SLC35A3: variants seen among roughly 807,000 people sequenced by gnomAD.
SLC35A3 encodes the protein UDP-N-acetylglucosamine transporter.
SLC35A3 carries 26 observed loss-of-function variants against 39.0 expected under a neutral mutation model. That is an observed-to-expected ratio of 0.67 (90% CI 0.49 to 0.92). The LOEUF (loss-of-function observed/expected upper bound fraction) is 0.92. SLC35A3 is among the 40% of genes least tolerant of loss of function. The pLI is 0.00. For missense variants in SLC35A3, 299 were observed against 371.6 expected, an observed-to-expected ratio of 0.80 and a Z score of 1.61; for synonymous variants, 135 against 133.1, an observed-to-expected ratio of 1.01 and a Z score of -0.10.
In SLC35A3 at chr1:99,979,679, C is replaced by T. The variant is rs553342152; in HGVS notation, c.-19+9517C>T. 1.3e-4 allele frequency among the ~76,000 whole-genome samples: 19 copies of T among 151,450 alleles called. No individual in the cohort carries two copies. In the South Asian group the frequency reaches 3.5e-3, roughly 28 times the overall value. ...CGATCTCCTCTATCTCGTGATCTGC[C>T]CACCTTGGCTTCCCAAAGTGCTGGG... is the stretch of plus-strand genomic sequence containing the variant. On this transcript the variant is annotated intron_variant, in intron 1 of 7. Coordinates refer to ENST00000533028, the MANE Select transcript of SLC35A3 (RefSeq NM_012243.3).
At chr1:99,997,676 C>G (rs774435775) in intron 2 of SLC35A3, among the ~76,000 whole-genome samples, 2 of 149,934 alleles carry the variant, frequency 1.3e-5, no homozygotes, top group East Asian at 3.9e-4. Context: ...TTCTGCTATG[C>G]CTTTTTTTCT....
rs2101501181 is a variant in SLC35A3 at position 100,022,404 on chromosome 1, C to T, written c.906C>T (p.Ala302=). ...FVPTSVFFLG[A]ILVITATFLY... ...TATTCAGTGTCTTTTTCCTTGGAGCCATCCTTGTAATAACAGCTACTTTTT... is the reference window on the plus strand; with the variant it reads ...TATTCAGTGTCTTTTTCCTTGGAGCTATCCTTGTAATAACAGCTACTTTTT... The change falls in exon 8 of 8, where the codon GCC becomes GCT. Residue 302 remains alanine, a synonymous_variant. Coordinates refer to ENST00000533028, the MANE Select transcript of SLC35A3 (RefSeq NM_012243.3). 5.7e-6 allele frequency: 9 copies of T among 1,591,284 alleles called. No homozygotes were observed. Among genetic ancestry groups the T allele is most frequent in the Non-Finnish European group, 7.7e-6 (9 of 1,162,480 alleles).
At position 100,028,331 on chromosome 1, in the gene SLC35A3, T is replaced by A. The variant is rs1191541939; in HGVS notation, c.*5855T>A. 5.2e-5 allele frequency: 8 copies of A among 152,684 alleles called. No homozygotes were observed. Among genetic ancestry groups the A allele is most frequent in the Admixed American group, 4.6e-4 (7 of 15,286 alleles). The allele number at this position is 152,684 out of a possible 1,614,324, so 9.5% of individuals were successfully genotyped here. A position where few individuals can be genotyped will look rare whatever the true frequency, so the allele number is the denominator to read the frequency against. ...GTGTTTTTCTGTTTTGTTTTTTGTT[T>A]TTTGTTTTTGAGACAAGGTCTTCCT... On this transcript the variant is annotated 3_prime_UTR_variant, in exon 8 of 8. Transcript: ENST00000533028.
chr1:100,033,348 GA>G lies in SLC35A3; in HGVS notation c.*10878del, dbSNP rs1296248016. The G allele has an allele frequency of 1.3e-5, 2 of 151,322 alleles. No homozygotes were observed. Among genetic ancestry groups the G allele is most frequent in the Non-Finnish European group, 2.9e-5 (2 of 67,888 alleles). The allele number at this position is 151,322 out of a possible 1,614,324, so 9.4% of individuals were successfully genotyped here. A position where few individuals can be genotyped will look rare whatever the true frequency, so the allele number is the denominator to read the frequency against. On this transcript the variant is annotated 3_prime_UTR_variant, in exon 8 of 8. Coordinates refer to ENST00000533028, the MANE Select transcript of SLC35A3 (RefSeq NM_012243.3). The stretch of plus-strand genomic sequence containing the variant: ...AAGTTTTATATGAAAAGTGTACTCT[GA>G]AAAAATCTAGCTGTCATACCTATCC...
At chr1:100,011,839 C>T (rs1200971125) in intron 5 of SLC35A3, among the ~76,000 whole-genome samples, 3 of 151,602 alleles carry the variant, frequency 2.0e-5, no homozygotes, top group Non-Finnish European at 4.4e-5. Context: ...CAGTCTCAGC[C>T]TCCTGAGTAG....
chr1:99,994,511 C>T (rs1037273844), intron 2 of SLC35A3, among the ~76,000 whole-genome samples: 4 of 152,162 alleles, frequency 2.6e-5, no homozygotes, highest in African/African-American at 9.7e-5. Flanking sequence ...TATGAATTTG[C>T]CTATTCTAAA....
At chr1:99,997,336 C>A (rs1035855346) in intron 2 of SLC35A3, among the ~76,000 whole-genome samples, 4 of 140,288 alleles carry the variant, frequency 2.9e-5, no homozygotes, top group Non-Finnish European at 6.3e-5. Context: ...TTGCAATAAT[C>A]ACGTAGACAA....
intron 1 of SLC35A3, among the ~76,000 whole-genome samples, chr1:99,972,148 G>C (rs979305219): frequency 1.3e-5 from 2 of 151,200 alleles, no homozygotes; most frequent in Non-Finnish European, 3.0e-5. Flanking sequence ...TGATCCACCT[G>C]CCTCGACATC....
chr1:99,973,858 T>C (rs559700364), intron 1 of SLC35A3, among the ~76,000 whole-genome samples: 3 of 152,024 alleles, frequency 2.0e-5, no homozygotes, highest in Admixed American at 6.6e-5. Context: ...CTACTAAAAA[T>C]ACAAAAATTA....
chr1:100,020,768 C>T (rs1163302789), intron 7 of SLC35A3, among the ~76,000 whole-genome samples: 1 of 152,012 alleles, frequency 6.6e-6, no homozygotes, highest in East Asian at 1.9e-4. Flanking sequence ...GTCTTGGAGA[C>T]ATTAGACCTG....
intron 4 of SLC35A3, 84 bp from the exon 5 acceptor site, chr1:100,011,281 T>C (rs1314258907): frequency 1.7e-6 from 1 of 586,160 alleles, no homozygotes; most frequent in Non-Finnish European, 2.8e-6. Context: ...CATTTTTAAG[T>C]TATGGTCTAA....
chr1:100,019,549 G>A (rs1017140923), intron 7 of SLC35A3, among the ~76,000 whole-genome samples: 2 of 152,268 alleles, frequency 1.3e-5, no homozygotes, highest in African/African-American at 4.8e-5. Context: ...AATAAATCTA[G>A]TGACATTTTC....
chr1:100,004,993 G>C (rs1249101808), intron 3 of SLC35A3, among the ~76,000 whole-genome samples: 2 of 152,176 alleles, frequency 1.3e-5, no homozygotes, highest in African/African-American at 4.8e-5. Context: ...CTGACCTCAA[G>C]TGATCTGCCC....
intron 6 of SLC35A3, 197 bp downstream of exon 6, chr1:100,015,617 A>C (rs1371710187): frequency 6.0e-6 from 3 of 497,734 alleles, no homozygotes; most frequent in African/African-American, 6.0e-5. Context: ...AGGGGTCTTT[A>C]ATGAACTTTG....
rs938145287 is a variant in SLC35A3, at chr1:99,980,634, A to G, written c.-19+10472A>G. ...TACTACTGTAACTTACGTACAGGTG[A>G]TATTTTCTTAGTAAATAGTTACCTG... On this transcript the variant is annotated intron_variant, in intron 1 of 7. Coordinates refer to ENST00000533028, the MANE Select transcript of SLC35A3 (RefSeq NM_012243.3). 6.6e-5 allele frequency among the ~76,000 whole-genome samples: 10 copies of G among 152,246 alleles called. 1 individual carries two copies. Among genetic ancestry groups the G allele is most frequent in the African/African-American group, 2.4e-4 (10 of 41,454 alleles).
intron 2 of SLC35A3, among the ~76,000 whole-genome samples, chr1:99,998,742 C>A (rs1289837482): frequency 6.6e-6 from 1 of 152,154 alleles, no homozygotes; most frequent in Non-Finnish European, 1.5e-5. Flanking sequence ...TCTGGACTCA[C>A]CCCATGTGAC....
chr1:99,996,512 T>C (rs1658407161), intron 2 of SLC35A3, among the ~76,000 whole-genome samples: 1 of 152,184 alleles, frequency 6.6e-6, no homozygotes, highest in South Asian at 2.1e-4. Flanking sequence ...ACAATTTCAC[T>C]GCCCTCAAAT....
rs1253987632 is a variant in SLC35A3, at chr1:100,035,097, G to A, written c.*12621G>A. ...CATATGAGGAGGGGAGTGGGAATTG[G>A]TTGTGGGACTTCCGTGGATATCCAA... is the stretch of plus-strand genomic sequence containing the variant. On this transcript the variant is annotated 3_prime_UTR_variant, in exon 8 of 8. Transcript: ENST00000533028. 6.6e-6 allele frequency: 1 copy of A among 152,150 alleles called. No individual in the cohort carries two copies. Among genetic ancestry groups the A allele is most frequent in the Admixed American group, 6.5e-5 (1 of 15,276 alleles). The allele number at this position is 152,150 out of a possible 1,614,324, so 9.4% of individuals were successfully genotyped here. A position where few individuals can be genotyped will look rare whatever the true frequency, so the allele number is the denominator to read the frequency against.
At chr1:99,987,486 T>G (rs1657816264) in intron 1 of SLC35A3, among the ~76,000 whole-genome samples, 1 of 152,132 alleles carries the variant, frequency 6.6e-6, no homozygotes, top group Non-Finnish European at 1.5e-5. Flanking sequence ...CATTAAAAAT[T>G]TTATCCTTAT....
Sources: gnomAD v4.1 joint callset for allele counts (sites outside exome capture counted in the v4.1 genomes callset) on GRCh38, gnomAD v4.1.1 for gene constraint, MANE v1.5 for transcripts, NCBI Gene and HGNC (gene_info 2026-07-23, HGNC 2026-07-21) for gene names.